XKR9: variants seen among roughly 807,000 people sequenced by gnomAD.
The protein encoded by XKR9 is XK related 9.
In XKR9, 32 loss-of-function variants were observed where a neutral mutation model predicts 32.0. The observed-to-expected ratio is 1.00, with a 90% CI of 0.76 to 1.34. XKR9 has a LOEUF of 1.34. XKR9 is among the 40% of genes most tolerant of loss of function. The probability of loss-of-function intolerance (pLI) is 0.00; values close to 1 mark genes in which losing one functional copy is unlikely to be tolerated. For synonymous variants in XKR9, 168 were observed against 143.4 expected (o/e 1.17, Z -1.22); for missense variants, 546 against 429.7 (o/e 1.27, Z -2.39).
chr8:70,736,688 C>T (rs1314526909), downstream of XKR9, among the ~76,000 whole-genome samples: 3 of 151,992 alleles, frequency 2.0e-5, no homozygotes, highest in African/African-American at 4.8e-5. Flanking sequence ...CTACATATGG[C>T]TAGCCAGTTT....
chr8:71,024,542 A>C, the XKR9 span, among the ~76,000 whole-genome samples: 1 of 152,118 alleles, frequency 6.6e-6, no homozygotes, highest in Admixed American at 6.5e-5. Context: ...CAACTACCTG[A>C]GACTTGGGAG....
At chr8:70,810,630 G>A in the XKR9 span, among the ~76,000 whole-genome samples, 9 of 152,066 alleles carry the variant, frequency 5.9e-5, no homozygotes, top group African/African-American at 2.2e-4. Context: ...AAAAGGCAGG[G>A]GTTGTAATCC....
chr8:70,774,108 C>T lies in XKR9; in HGVS notation n.353-15231C>T, dbSNP rs1463672563. Among the ~76,000 whole-genome samples the T allele has an allele frequency of 2.0e-5, 3 of 152,062 alleles. No individual in the cohort carries two copies. The East Asian group carries it at 5.8e-4, about 29-fold the overall frequency. On this transcript the variant is annotated intron_variant and non_coding_transcript_variant, in intron 2 of 3. Transcript: ENST00000520273. ...TGTAACACAATAAATACTTAATTCT[C>T]ACCCATGCTACATGTCCAGAAATTA...
At chr8:70,693,633 G>A (rs1290499280) in intron 3 of XKR9, among the ~76,000 whole-genome samples, 2 of 152,160 alleles carry the variant, frequency 1.3e-5, no homozygotes, top group Non-Finnish European at 2.9e-5. Context: ...GCTTGACTCC[G>A]AGGGGCTCCA....
chr8:70,852,284 C>G, the XKR9 span, among the ~76,000 whole-genome samples: 1 of 152,260 alleles, frequency 6.6e-6, no homozygotes, highest in South Asian at 2.1e-4. Context: ...CAGGAAACAA[C>G]AGCTGCTGGA....
chr8:70,891,249 T>C, the XKR9 span, among the ~76,000 whole-genome samples: 2 of 151,954 alleles, frequency 1.3e-5, no homozygotes, highest in Admixed American at 1.3e-4. Context: ...AACCAACTTT[T>C]TGTTTCATTG....
chr8:71,012,742 A>G, the XKR9 span, among the ~76,000 whole-genome samples: 2 of 152,182 alleles, frequency 1.3e-5, no homozygotes, highest in Admixed American at 6.5e-5. Context: ...TTTCAGGTGA[A>G]GAAAGTAAGA....
At chr8:71,038,768 A>T in the XKR9 span, among the ~76,000 whole-genome samples, 8 of 150,440 alleles carry the variant, frequency 5.3e-5, no homozygotes, top group African/African-American at 1.9e-4. Flanking sequence ...AAAAAAAAAA[A>T]AGTGAATGAA....
the XKR9 span, among the ~76,000 whole-genome samples, chr8:70,895,578 G>T: frequency 9.2e-5 from 14 of 152,044 alleles, no homozygotes; most frequent in Non-Finnish European, 2.1e-4. Context: ...TGCTGAAAAA[G>T]ATATCCTTTT....
chr8:70,994,892 G>A, the XKR9 span, among the ~76,000 whole-genome samples: 1 of 152,088 alleles, frequency 6.6e-6, no homozygotes, highest in Non-Finnish European at 1.5e-5. Flanking sequence ...CAAATGAAAA[G>A]GTCTTTGTGT....
At chr8:70,960,308 C>T in the XKR9 span, among the ~76,000 whole-genome samples, 1 of 152,062 alleles carries the variant, frequency 6.6e-6, no homozygotes, top group Non-Finnish European at 1.5e-5. Flanking sequence ...TGTTTATGGG[C>T]CCAGCATCTA....
the XKR9 span, among the ~76,000 whole-genome samples, chr8:70,922,784 G>T: frequency 6.6e-6 from 1 of 152,152 alleles, no homozygotes; most frequent in African/African-American, 2.4e-5. Flanking sequence ...TGTCAACTCT[G>T]GTTCTGTGGC....
chr8:70,891,072 T>A, the XKR9 span, among the ~76,000 whole-genome samples: 1 of 152,022 alleles, frequency 6.6e-6, no homozygotes, highest in Non-Finnish European at 1.5e-5. Context: ...TTTTTTAGTT[T>A]GTTGGCATAT....
the XKR9 span, among the ~76,000 whole-genome samples, chr8:70,954,895 C>T: frequency 3.9e-5 from 6 of 152,200 alleles, no homozygotes; most frequent in Non-Finnish European, 8.8e-5. Flanking sequence ...GATTCTTTCC[C>T]TCCTGAGATG....
the XKR9 span, among the ~76,000 whole-genome samples, chr8:71,062,247 C>G: frequency 7.2e-5 from 11 of 152,072 alleles, no homozygotes; most frequent in Non-Finnish European, 1.3e-4. Context: ...ATTCAGGATG[C>G]TATAAGAAAA....
chr8:70,781,651 C>T (rs189345097), intron 2 of XKR9, among the ~76,000 whole-genome samples: 4 of 150,848 alleles, frequency 2.7e-5, no homozygotes, highest in Admixed American at 2.6e-4. Flanking sequence ...GAGATGAGAT[C>T]TCATTGTGGT....
At position 70,776,919 on chromosome 8, in the gene XKR9, T is replaced by TC. The variant is rs1466163794; in HGVS notation, n.353-12420_353-12419insC. 1.7e-3 allele frequency among the ~76,000 whole-genome samples: 121 copies of TC among 70,298 alleles called. 4 individuals carry two copies. Among genetic ancestry groups the TC allele is most frequent in the Non-Finnish European group, 2.4e-3 (94 of 39,492 alleles). 46.1% of individuals were successfully genotyped at this position (70,298 alleles called of 152,430 possible). A position where few individuals can be genotyped will look rare whatever the true frequency, so the allele number is the denominator to read the frequency against. ...ACCTTGCATTTAGCAGGTTTTCTCT[T>TC]TCTTTCTCTCTCTCTCTCTCTCTCT... On this transcript the variant is annotated intron_variant and non_coding_transcript_variant, in intron 2 of 3. Coordinates refer to the XKR9 transcript ENST00000520273.
chr8:70,795,338 T>A (rs539965000), downstream of XKR9, among the ~76,000 whole-genome samples: 19 of 152,248 alleles, frequency 1.2e-4, no homozygotes, highest in South Asian at 3.9e-3. Flanking sequence ...TACTCCGTGG[T>A]GTATATGTAC....
the XKR9 span, among the ~76,000 whole-genome samples, chr8:70,941,182 T>C: frequency 6.6e-6 from 1 of 151,884 alleles, no homozygotes; most frequent in East Asian, 1.9e-4. Context: ...GATTTACATA[T>C]TCTGGATATT....
Sources: allele counts gnomAD v4.1 joint callset (sites outside exome capture counted in the v4.1 genomes callset), GRCh38; gene constraint gnomAD v4.1.1; transcripts MANE v1.5; gene names NCBI Gene and HGNC (gene_info 2026-07-23, HGNC 2026-07-21).